The following SEMA6D variants were observed in gnomAD, a reference collection of about 807,000 sequenced individuals.
SEMA6D encodes semaphorin-6D.
Under a neutral mutation model 106.6 loss-of-function variants are expected in SEMA6D, and 35 were observed. The ratio of observed to expected loss-of-function variants is 0.33; its 90% CI spans 0.25 to 0.44. SEMA6D has a LOEUF of 0.44. SEMA6D is among the 20% of genes least tolerant of loss of function. The pLI is 1.00. For synonymous variants in SEMA6D, 499 were observed against 487.7 expected (o/e 1.02, Z -0.31); for missense variants, 1,185 against 1,345.9 (o/e 0.88, Z 1.87).
At chr15:47,245,056 A>G (rs2033128213) in intron 1 of SEMA6D, among the ~76,000 whole-genome samples, 1 of 150,360 alleles carries the variant, frequency 6.7e-6, no homozygotes, top group South Asian at 2.1e-4. Context: ...GCTGTGTGGT[A>G]TTCCATGGTA....
At chr15:47,316,361 G>C (rs1248199957) in intron 1 of SEMA6D, among the ~76,000 whole-genome samples, 1 of 151,844 alleles carries the variant, frequency 6.6e-6, no homozygotes, top group Non-Finnish European at 1.5e-5. Context: ...CAAAGTGCTG[G>C]GATTACATGC....
At chr15:47,764,326 G>A in intron 11 of SEMA6D, 21 bp downstream of exon 11, 4 of 1,608,220 alleles carry the variant, frequency 2.5e-6, no homozygotes, top group Non-Finnish European at 8.5e-7. Context: ...AAGTAGAAAA[G>A]GGTTTTGTCT....
chr15:47,767,874 T>C (rs1489969371), intron 17 of SEMA6D, among the ~76,000 whole-genome samples: 1 of 152,238 alleles, frequency 6.6e-6, no homozygotes, highest in Non-Finnish European at 1.5e-5. Context: ...GAGAAAAAGA[T>C]GGTAGATCTT....
chr15:47,494,162 G>A (rs902545861), intron 3 of SEMA6D, among the ~76,000 whole-genome samples: 5 of 152,080 alleles, frequency 3.3e-5, no homozygotes, highest in Non-Finnish European at 4.4e-5. Flanking sequence ...TATTACTGTG[G>A]CCTAAACATC....
At chr15:47,433,101 A>G (rs1322963449) in intron 2 of SEMA6D, among the ~76,000 whole-genome samples, 1 of 152,048 alleles carries the variant, frequency 6.6e-6, no homozygotes, top group Non-Finnish European at 1.5e-5. Flanking sequence ...ATTCCTCCTT[A>G]TAAGCTGTCT....
At chr15:47,437,779 A>G (rs2041766392) in intron 2 of SEMA6D, among the ~76,000 whole-genome samples, 1 of 152,068 alleles carries the variant, frequency 6.6e-6, no homozygotes, top group African/African-American at 2.4e-5. Context: ...TTCTTTTCCT[A>G]GAGGTAACAC....
rs981982680 is a variant in SEMA6D, at chr15:47,722,556, T to C, written c.-55+4864T>C. On this transcript the variant is annotated intron_variant, in intron 1 of 18. Coordinates refer to ENST00000536845, the MANE Select transcript of SEMA6D (RefSeq NM_001358351.3). ...GAATAACATGAATTAGCTGGCTACA[T>C]CTGTAGGTTATGTTGCCAGGCTTTT... 3.3e-5 allele frequency among the ~76,000 whole-genome samples: 5 copies of C among 152,186 alleles called. No individual in the cohort carries two copies. The South Asian group carries it at 1.0e-3, about 32-fold the overall frequency.
At chr15:47,618,906 TGTA>T (rs200649901) in intron 4 of SEMA6D, among the ~76,000 whole-genome samples, 1,633 of 152,318 alleles carry the variant, frequency 0.011, 19 homozygotes, top group South Asian at 0.047. Context: ...TTGTGAAATA[TGTA>T]GTAGTCAGAT....
At chr15:47,422,171 C>CACCT (rs1320575462) in intron 2 of SEMA6D, among the ~76,000 whole-genome samples, 2 of 124,170 alleles carry the variant, frequency 1.6e-5, no homozygotes, top group African/African-American at 2.9e-5. Flanking sequence ...TTTGCCCGCC[C>CACCT]GCCTGCCTGC....
chr15:47,219,867 A>G (rs112741027), intron 1 of SEMA6D, among the ~76,000 whole-genome samples: 18 of 152,260 alleles, frequency 1.2e-4, no homozygotes, highest in African/African-American at 4.1e-4. Flanking sequence ...GCTATAGGTC[A>G]GTTGGTCAGT....
intron 3 of SEMA6D, among the ~76,000 whole-genome samples, chr15:47,511,265 C>T (rs1381405792): frequency 1.5e-4 from 23 of 152,170 alleles, no homozygotes; most frequent in Non-Finnish European, 1.5e-5. Flanking sequence ...TAATCTGTGT[C>T]CTTGTTCTGT....
chr15:47,466,018 TATAGGTGGTA>T (rs2042647329), intron 2 of SEMA6D, among the ~76,000 whole-genome samples: 2 of 152,166 alleles, frequency 1.3e-5, no homozygotes, highest in African/African-American at 2.4e-5. Context: ...CTCCCAGCTT[TATAGGTGGTA>T]TAATTGACAA....
chr15:47,231,684 G>C (rs2032206168), intron 1 of SEMA6D, among the ~76,000 whole-genome samples: 1 of 151,872 alleles, frequency 6.6e-6, no homozygotes. Flanking sequence ...ATAAAACTGT[G>C]CCCCAGCAGT....
At chr15:47,507,596 C>T (rs1324416758) in intron 3 of SEMA6D, among the ~76,000 whole-genome samples, 2 of 152,168 alleles carry the variant, frequency 1.3e-5, no homozygotes, top group Non-Finnish European at 2.9e-5. Flanking sequence ...TGTTCAACTC[C>T]AACTTGAATG....
chr15:47,768,033 T>A lies in SEMA6D; in HGVS notation c.1766-548T>A, dbSNP rs536693562. Among the ~76,000 whole-genome samples, 12 of 152,290 alleles carry A rather than the reference T, an allele frequency of 7.9e-5. 1 individual carries two copies. The South Asian group carries it at 1.9e-3, about 24-fold the overall frequency. ...TTTACTGTGGGTGGCAGAGCCTTAG[T>A]ATAGTGAATAATCTACAAATGGACA... On this transcript the variant is annotated intron_variant, in intron 17 of 18. Transcript: ENST00000536845.
chr15:47,434,451 C>T (rs1375773314), intron 2 of SEMA6D, among the ~76,000 whole-genome samples: 3 of 151,886 alleles, frequency 2.0e-5, no homozygotes, highest in Admixed American at 2.0e-4. Flanking sequence ...TATTTTTTTT[C>T]TTCTTCCACC....
intron 1 of SEMA6D, among the ~76,000 whole-genome samples, chr15:47,279,965 C>A (rs1410090260): frequency 6.6e-6 from 1 of 150,920 alleles, no homozygotes; most frequent in Non-Finnish European, 1.5e-5. Flanking sequence ...CAATGTTCAT[C>A]AAGGATATTG....
At chr15:47,698,854 G>C (rs1191558197) in intron 4 of SEMA6D, among the ~76,000 whole-genome samples, 1 of 152,054 alleles carries the variant, frequency 6.6e-6, no homozygotes, top group Non-Finnish European at 1.5e-5. Flanking sequence ...TGCCTCCCAT[G>C]AACTAGAGAC....
At chr15:47,686,497 AT>A (rs1329158962) in intron 4 of SEMA6D, among the ~76,000 whole-genome samples, 1 of 152,378 alleles carries the variant, frequency 6.6e-6, no homozygotes, top group Non-Finnish European at 1.5e-5. Flanking sequence ...AAAATTCTCC[AT>A]CATCGTGCAA....
Sources: gnomAD v4.1 joint callset for allele counts (sites outside exome capture counted in the v4.1 genomes callset) on GRCh38, gnomAD v4.1.1 for gene constraint, MANE v1.5 for transcripts, NCBI Gene and HGNC (gene_info 2026-07-23, HGNC 2026-07-21) for gene names.